Variants in ROBO2 observed in about 807,000 individuals in gnomAD.
ROBO2 encodes roundabout guidance receptor 2.
A neutral mutation model predicts 160.8 loss-of-function variants in ROBO2; 53 were observed. The observed-to-expected ratio is 0.33, with a 90% CI of 0.26 to 0.41. The LOEUF (loss-of-function observed/expected upper bound fraction) is 0.41, where lower values mean the gene tolerates loss of function less well. ROBO2 is among the 10% of genes least tolerant of loss of function. The probability of loss-of-function intolerance (pLI) is 1.00; values close to 1 mark genes in which losing one functional copy is unlikely to be tolerated. For missense variants in ROBO2, 1,577 were observed against 1,722.4 expected, an observed-to-expected ratio of 0.92 and a Z score of 1.49; for synonymous variants, 664 against 611.7, an observed-to-expected ratio of 1.09 and a Z score of -1.26.
At chr3:76,218,665 G>A (rs568382876) in intron 2 of ROBO2, among the ~76,000 whole-genome samples, 59 of 152,198 alleles carry the variant, frequency 3.9e-4, no homozygotes, top group African/African-American at 1.4e-3. Context: ...AATAAAAGAC[G>A]ATACAAACAA....
chr3:77,012,635 T>C (rs1355973795), intron 2 of ROBO2, among the ~76,000 whole-genome samples: 1 of 152,184 alleles, frequency 6.6e-6, no homozygotes, highest in African/African-American at 2.4e-5. Flanking sequence ...AAGAAGCTTT[T>C]ATTGTCAAAA....
chr3:77,341,836 A>T (rs910233827), intron 2 of ROBO2, among the ~76,000 whole-genome samples: 3 of 136,742 alleles, frequency 2.2e-5, no homozygotes, highest in East Asian at 2.2e-4. Context: ...TATTCTAATT[A>T]AAAAAAAAAC....
intron 2 of ROBO2, among the ~76,000 whole-genome samples, chr3:77,236,251 T>C (rs1400927153): frequency 1.3e-5 from 2 of 152,126 alleles, no homozygotes; most frequent in Non-Finnish European, 2.9e-5. Context: ...CTGGAATCAG[T>C]TGAAAGAAAT....
chr3:77,642,793 C>T (rs1367828411), intron 24 of ROBO2: 3 of 456,600 alleles, frequency 6.6e-6, no homozygotes, highest in East Asian at 6.9e-5. Context: ...AGAGAGACAA[C>T]ATGCATCCAG....
intron 2 of ROBO2, among the ~76,000 whole-genome samples, chr3:77,011,054 C>CTTCTTTATTTCTTTCT (rs2061871559): frequency 9.4e-6 from 1 of 106,746 alleles, no homozygotes; most frequent in Non-Finnish European, 1.9e-5. Context: ...TTCTTTCTTT[C>CTTCTTTATTTCTTTCT]TTCTTTCTTT....
intron 2 of ROBO2, among the ~76,000 whole-genome samples, chr3:76,535,975 G>A (rs75544485): frequency 6.6e-6 from 1 of 152,112 alleles, no homozygotes; most frequent in Non-Finnish European, 1.5e-5. Flanking sequence ...GGAGCTCCAG[G>A]GGCCCTAGAA....
At chr3:76,010,814 A>G (rs186112033) in intron 2 of ROBO2, among the ~76,000 whole-genome samples, 1 of 152,256 alleles carries the variant, frequency 6.6e-6, no homozygotes, top group Non-Finnish European at 1.5e-5. Context: ...AAACCATCAC[A>G]TAAATATAAA....
chr3:76,638,911 G>A (rs1022531586), intron 2 of ROBO2, among the ~76,000 whole-genome samples: 4 of 152,172 alleles, frequency 2.6e-5, no homozygotes, highest in South Asian at 2.1e-4. Context: ...CAGTTTTAGC[G>A]CTCACAGTCA....
At chr3:76,248,728 AT>A (rs1408807612) in intron 2 of ROBO2, among the ~76,000 whole-genome samples, 1 of 151,586 alleles carries the variant, frequency 6.6e-6, no homozygotes, top group East Asian at 1.9e-4. Context: ...TTCCACTCCT[AT>A]TTTGTTTTGG....
intron 2 of ROBO2, among the ~76,000 whole-genome samples, chr3:77,433,489 T>C (rs200165183): frequency 0.053 from 1,344 of 25,436 alleles, 34 homozygotes; most frequent in East Asian, 0.071. Context: ...GCAACTTGTA[T>C]ATATATATAT....
chr3:77,529,105 C>G (rs1353600241), intron 6 of ROBO2, among the ~76,000 whole-genome samples: 1 of 150,690 alleles, frequency 6.6e-6, no homozygotes, highest in Non-Finnish European at 1.5e-5. Context: ...ATTTATGTGT[C>G]AAATAAGAAA....
chr3:76,549,600 A>G (rs1158017612), intron 2 of ROBO2, among the ~76,000 whole-genome samples: 2 of 152,196 alleles, frequency 1.3e-5, no homozygotes, highest in East Asian at 3.8e-4. Context: ...TATTCCATCA[A>G]TATACCCTTT....
chr3:76,256,895 A>G (rs1444983395), intron 2 of ROBO2, among the ~76,000 whole-genome samples: 3 of 152,062 alleles, frequency 2.0e-5, no homozygotes, highest in African/African-American at 7.2e-5. Flanking sequence ...GAGCACAGGC[A>G]TCTCACATGG....
intron 2 of ROBO2, among the ~76,000 whole-genome samples, chr3:77,099,011 ATAAT>A (rs1465361342): frequency 1.3e-5 from 2 of 151,956 alleles, no homozygotes; most frequent in African/African-American, 4.8e-5. Flanking sequence ...TTTCTCCTAA[ATAAT>A]AGCTCATGGG....
intron 2 of ROBO2, among the ~76,000 whole-genome samples, chr3:77,275,015 T>C (rs2059739198): frequency 1.3e-5 from 2 of 152,136 alleles, no homozygotes; most frequent in African/African-American, 4.8e-5. Context: ...AATATCTGAA[T>C]TACTAATACA....
chr3:77,038,703 C>A (rs1045087051), upstream of ROBO2, among the ~76,000 whole-genome samples: 1 of 152,164 alleles, frequency 6.6e-6, no homozygotes, highest in Non-Finnish European at 1.5e-5. Context: ...CACACGTGGG[C>A]CCGGCCGCAC....
intron 2 of ROBO2, among the ~76,000 whole-genome samples, chr3:76,611,706 T>C (rs927362260): frequency 2.0e-5 from 3 of 152,100 alleles, no homozygotes; most frequent in Non-Finnish European, 4.4e-5. Context: ...TTTATCTTTT[T>C]GAAAAAACAA....
At chr3:77,192,648 T>G (rs899145471) in intron 2 of ROBO2, among the ~76,000 whole-genome samples, 3 of 130,940 alleles carry the variant, frequency 2.3e-5, no homozygotes, top group Non-Finnish European at 4.7e-5. Flanking sequence ...CAAACACAAT[T>G]CCTTTTTTTT....
intron 2 of ROBO2, among the ~76,000 whole-genome samples, chr3:76,941,241 C>T (rs959922578): frequency 6.6e-6 from 1 of 152,126 alleles, no homozygotes; most frequent in Non-Finnish European, 1.5e-5. Context: ...TAGCTGTTTA[C>T]TTGGCTTCCT....
Sources: allele counts gnomAD v4.1 joint callset (sites outside exome capture counted in the v4.1 genomes callset), GRCh38; gene constraint gnomAD v4.1.1; transcripts MANE v1.5; gene names NCBI Gene and HGNC (gene_info 2026-07-23, HGNC 2026-07-21).